SCLT1: variants seen among roughly 807,000 people sequenced by gnomAD.
SCLT1 encodes sodium channel-associated protein 1.
SCLT1 carries 78 observed loss-of-function variants against 112.8 expected under a neutral mutation model. The ratio of observed to expected loss-of-function variants is 0.69; its 90% confidence interval spans 0.58 to 0.83. The LOEUF is 0.83. Ranked by LOEUF, SCLT1 falls within the 40% of genes least tolerant of loss-of-function variation. SCLT1 has a pLI of 0.00. For synonymous variants in SCLT1, 257 were observed against 254.7 expected, an observed-to-expected ratio of 1.01 and a Z score of -0.09; for missense variants, 747 against 770.4, an observed-to-expected ratio of 0.97 and a Z score of 0.36.
chr4:128,995,701 G>A (rs1040008929), intron 8 of SCLT1, among the ~76,000 whole-genome samples: 1 of 152,038 alleles, frequency 6.6e-6, no homozygotes, highest in East Asian at 1.9e-4. Context: ...GAGCTGGGGG[G>A]TAGGGAACTA....
chr4:128,899,614 C>T (rs1453887104), intron 18 of SCLT1, among the ~76,000 whole-genome samples: 1 of 152,164 alleles, frequency 6.6e-6, no homozygotes, highest in Non-Finnish European at 1.5e-5. Context: ...AAAACTGGCA[C>T]AAGACAGGGA....
downstream of SCLT1, among the ~76,000 whole-genome samples, chr4:128,883,673 CATT>C (rs1732703879): frequency 6.6e-6 from 1 of 152,164 alleles, no homozygotes; most frequent in Admixed American, 6.5e-5. Context: ...AACTCAAACT[CATT>C]ATCTTTTATC....
intron 15 of SCLT1, among the ~76,000 whole-genome samples, chr4:128,947,939 T>G (rs1025413367): frequency 6.6e-6 from 1 of 152,104 alleles, no homozygotes; most frequent in African/African-American, 2.4e-5. Flanking sequence ...CAAAGTGAAA[T>G]TTCGTAGGAT....
At position 128,983,046 on chromosome 4, in the gene SCLT1, G is replaced by T. The variant is rs183839281; in HGVS notation, c.686+9121C>A. ...TGGGATTATAGGCATATGCCACCAC[G>T]TCCGGCTAATTTTGTATTTTTAGTA... On this transcript the variant is annotated intron_variant, in intron 9 of 20. Coordinates refer to ENST00000281142, the MANE Select transcript of SCLT1 (RefSeq NM_144643.4). 4.3e-3 allele frequency among the ~76,000 whole-genome samples: 657 copies of T among 151,754 alleles called. 5 individuals are homozygous for T. Among genetic ancestry groups the T allele is most frequent in the African/African-American group, 0.014 (593 of 41,348 alleles).
At chr4:129,024,383 C>G (rs1452050921) in intron 5 of SCLT1, among the ~76,000 whole-genome samples, 1 of 152,170 alleles carries the variant, frequency 6.6e-6, no homozygotes, top group South Asian at 2.1e-4. Context: ...GCAGCATTCG[C>G]GATTCACGAA....
intron 18 of SCLT1, among the ~76,000 whole-genome samples, chr4:128,912,677 A>C (rs560906380): frequency 8.0e-5 from 12 of 150,562 alleles, no homozygotes; most frequent in African/African-American, 2.4e-4. Context: ...TTTCTCTCCT[A>C]CTCTTCCTCC....
intron 6 of SCLT1, among the ~76,000 whole-genome samples, chr4:129,002,342 T>A (rs969870419): frequency 2.6e-5 from 4 of 151,964 alleles, no homozygotes; most frequent in Non-Finnish European, 5.9e-5. Flanking sequence ...CACAAAAAAT[T>A]AGTTGAAAAA....
At chr4:128,989,705 A>G (rs1742396376) in intron 9 of SCLT1, among the ~76,000 whole-genome samples, 1 of 151,594 alleles carries the variant, frequency 6.6e-6, no homozygotes, top group African/African-American at 2.4e-5. Flanking sequence ...AAAATCAATA[A>G]ACCTTTAGCC....
chr4:128,880,194 G>C (rs1732610044), downstream of SCLT1, among the ~76,000 whole-genome samples: 1 of 152,098 alleles, frequency 6.6e-6, no homozygotes, highest in African/African-American at 2.4e-5. Context: ...AGCAGTATGG[G>C]CCAGATTAAA....
chr4:128,904,411 GTAAT>G (rs1175607246), intron 18 of SCLT1, among the ~76,000 whole-genome samples: 8 of 152,060 alleles, frequency 5.3e-5, no homozygotes, highest in Non-Finnish European at 1.2e-4. Context: ...AGTTTACTAA[GTAAT>G]TTACATATGA....
At chr4:128,989,609 T>A in intron 9 of SCLT1, among the ~76,000 whole-genome samples, 1 of 150,126 alleles carries the variant, frequency 6.7e-6, no homozygotes, top group African/African-American at 2.4e-5. Flanking sequence ...GTATAAGAAA[T>A]AATAAAGAGC....
At position 129,003,305 on chromosome 4, in the gene SCLT1, G is replaced by A. The variant is rs148020913; in HGVS notation, c.426+436C>T. On this transcript the variant is annotated intron_variant, in intron 6 of 20. Transcript: ENST00000281142. The stretch of plus-strand genomic sequence containing the variant: ...GTTGTGGGGTTGAGGGCTAGGGGAG[G>A]GATAGCATTAGGAGAAATACCTAAC... 2.7e-3 allele frequency among the ~76,000 whole-genome samples: 405 copies of A among 151,906 alleles called. 1 individual carries two copies. Among genetic ancestry groups the A allele is most frequent in the African/African-American group, 8.9e-3 (368 of 41,426 alleles).
chr4:129,085,419 T>C (rs192320858), intron 1 of SCLT1, among the ~76,000 whole-genome samples: 1 of 152,298 alleles, frequency 6.6e-6, no homozygotes, highest in East Asian at 1.9e-4. Flanking sequence ...TTGGTGGGAA[T>C]GTAAATTAGT....
chr4:128,959,853 C>T (rs1027753345), intron 11 of SCLT1, 76 bp from the exon 12 acceptor site: 13 of 1,079,862 alleles, frequency 1.2e-5, no homozygotes, highest in Middle Eastern at 2.5e-4. Flanking sequence ...GCATCTACTA[C>T]AGGACAGGTA....
chr4:129,064,438 A>T (rs759237915), intron 2 of SCLT1, among the ~76,000 whole-genome samples: 6 of 152,114 alleles, frequency 3.9e-5, no homozygotes, highest in Non-Finnish European at 7.4e-5. Context: ...GACCCTCAAA[A>T]ATTGTATAGA....
At position 128,924,743 on chromosome 4, in the gene SCLT1, G is replaced by A. The variant is rs1051624483; in HGVS notation, c.1829+11912C>T. Among the ~76,000 whole-genome samples, 7 of 152,104 alleles carry A rather than the reference G, an allele frequency of 4.6e-5. 1 individual carries two copies. Among genetic ancestry groups the A allele is most frequent in the African/African-American group, 1.7e-4 (7 of 41,400 alleles). On this transcript the variant is annotated intron_variant, in intron 18 of 20. Transcript: ENST00000281142. ...AGGTTATTTTTGTGTATGGTGTGAT[G>A]TAATGGCGTGGCACGTAAGCTCTGA...
chr4:128,957,547 G>C (rs1455810110), intron 12 of SCLT1, among the ~76,000 whole-genome samples: 1 of 151,910 alleles, frequency 6.6e-6, no homozygotes, highest in Non-Finnish European at 1.5e-5. Context: ...GATCATTGCA[G>C]ACACTACTTG....
chr4:129,038,461 T>C, intron 5 of SCLT1, among the ~76,000 whole-genome samples: 1 of 152,164 alleles, frequency 6.6e-6, no homozygotes. Context: ...TTTTATACAG[T>C]CTTTAAAAAT....
chr4:128,910,883 G>C (rs536658960), intron 18 of SCLT1, among the ~76,000 whole-genome samples: 2 of 150,256 alleles, frequency 1.3e-5, no homozygotes, highest in East Asian at 2.0e-4. Flanking sequence ...ATCTATCCTT[G>C]TGCCAATACT....
Sources: gnomAD v4.1 joint callset for allele counts (sites outside exome capture counted in the v4.1 genomes callset) on GRCh38, gnomAD v4.1.1 for gene constraint, MANE v1.5 for transcripts, NCBI Gene and HGNC (gene_info 2026-07-23, HGNC 2026-07-21) for gene names.